The following TP63 variants were observed in gnomAD, a reference collection of about 807,000 sequenced individuals.
TP63 encodes the protein tumor protein 63.
Under a neutral mutation model 82.8 loss-of-function variants are expected in TP63, and 17 were observed. The observed-to-expected ratio is 0.21, with a 90% CI of 0.14 to 0.31. TP63 has a LOEUF of 0.31. TP63 is among the 10% of genes least tolerant of loss of function. The pLI, the probability that TP63 is intolerant of heterozygous loss-of-function variation, is 1.00. For synonymous variants in TP63, 330 were observed against 321.7 expected, an observed-to-expected ratio of 1.03 and a Z score of -0.28; for missense variants, 648 against 895.3, an observed-to-expected ratio of 0.72 and a Z score of 3.52.
intron 1 of TP63, among the ~76,000 whole-genome samples, chr3:189,635,435 TC>T (rs1267559968): frequency 2.0e-5 from 3 of 152,206 alleles, no homozygotes; most frequent in African/African-American, 7.2e-5. Context: ...TCTTTTTCTT[TC>T]TCATTCTTTG....
At chr3:189,784,361 A>G (rs951702074) in intron 3 of TP63, among the ~76,000 whole-genome samples, 6 of 152,104 alleles carry the variant, frequency 3.9e-5, no homozygotes, top group Non-Finnish European at 8.8e-5. Context: ...GAGTAGGGGG[A>G]AAAGTAAATA....
chr3:189,684,295 A>G (rs1160241012), intron 1 of TP63, among the ~76,000 whole-genome samples: 2 of 152,174 alleles, frequency 1.3e-5, no homozygotes, highest in Non-Finnish European at 2.9e-5. Context: ...CTAACATCCT[A>G]TAGGGAAGAG....
At chr3:189,678,604 T>G (rs1438372168) in intron 1 of TP63, among the ~76,000 whole-genome samples, 1 of 152,128 alleles carries the variant, frequency 6.6e-6, no homozygotes, top group East Asian at 1.9e-4. Context: ...GGGTTTGTTT[T>G]TTCTAATTCT....
chr3:189,872,264 A>AT (rs11393669), intron 9 of TP63, among the ~76,000 whole-genome samples: 130,347 of 152,082 alleles, frequency 0.86, 56,292 homozygotes, highest in East Asian at 0.97. Context: ...CATACATTTC[A>AT]CAACAGAATA....
intron 3 of TP63, among the ~76,000 whole-genome samples, chr3:189,743,222 A>C (rs1721130083): frequency 6.6e-6 from 1 of 152,204 alleles, no homozygotes; most frequent in Non-Finnish European, 1.5e-5. Context: ...AAAGTGTTCA[A>C]ATTCTCCACT....
intron 1 of TP63, among the ~76,000 whole-genome samples, chr3:189,656,742 G>A (rs1713405392): frequency 6.6e-6 from 1 of 152,086 alleles, no homozygotes; most frequent in Admixed American, 6.5e-5. Flanking sequence ...TCCAAAGCCT[G>A]AGGACCACAT....
chr3:189,879,914 A>G, intron 10 of TP63: 2 of 1,121,378 alleles, frequency 1.8e-6, no homozygotes, highest in Non-Finnish European at 2.3e-6. Flanking sequence ...AAAGAAGATA[A>G]ATTGGAAGAA....
the TP63 span, among the ~76,000 whole-genome samples, chr3:189,621,669 T>C: frequency 6.6e-6 from 1 of 152,142 alleles, no homozygotes; most frequent in Non-Finnish European, 1.5e-5. Context: ...CTTCTCATAT[T>C]TCCCTCTCTA....
At chr3:189,727,389 T>G (rs1250587717) in intron 1 of TP63, among the ~76,000 whole-genome samples, 1 of 152,196 alleles carries the variant, frequency 6.6e-6, no homozygotes, top group Non-Finnish European at 1.5e-5. Context: ...CTTTCCTCAA[T>G]TTTTAAATCA....
intron 3 of TP63, among the ~76,000 whole-genome samples, chr3:189,790,338 A>G (rs968542305): frequency 3.9e-5 from 6 of 152,152 alleles, no homozygotes; most frequent in African/African-American, 1.4e-4. Flanking sequence ...AAGTCTGTCA[A>G]TCCAGAGACC....
the TP63 span, among the ~76,000 whole-genome samples, chr3:189,598,020 A>T: frequency 6.6e-6 from 1 of 152,186 alleles, no homozygotes; most frequent in Non-Finnish European, 1.5e-5. Context: ...AAAAAGTCAG[A>T]TGGAAGTTAT....
intron 4 of TP63, among the ~76,000 whole-genome samples, chr3:189,817,518 G>A (rs1023060616): frequency 1.3e-5 from 2 of 152,146 alleles, no homozygotes; most frequent in African/African-American, 4.8e-5. Context: ...AGTTTATAAA[G>A]TGCTTTGGGA....
At chr3:189,878,524 G>C (rs1719508186) in intron 10 of TP63, among the ~76,000 whole-genome samples, 1 of 149,714 alleles carries the variant, frequency 6.7e-6, no homozygotes, top group South Asian at 2.1e-4. Context: ...GCGTAGCTGG[G>C]ATTACAGATG....
intron 1 of TP63, among the ~76,000 whole-genome samples, chr3:189,687,510 A>G (rs1577241803): frequency 6.6e-6 from 1 of 152,310 alleles, no homozygotes; most frequent in African/African-American, 2.4e-5. Context: ...GTAAAAGGGG[A>G]ACCTAGTTTG....
At chr3:189,863,282 G>A (rs1006096929) in intron 4 of TP63, among the ~76,000 whole-genome samples, 6 of 152,212 alleles carry the variant, frequency 3.9e-5, no homozygotes, top group African/African-American at 1.4e-4. Flanking sequence ...TGAGTGGCTA[G>A]GAATGTAGAG....
At chr3:189,759,658 T>C (rs1722425684) in intron 3 of TP63, among the ~76,000 whole-genome samples, 1 of 152,222 alleles carries the variant, frequency 6.6e-6, no homozygotes, top group African/African-American at 2.4e-5. Flanking sequence ...AATTGGCAAC[T>C]GTTTATTTTA....
intron 2 of TP63, 63 bp from the exon 3 acceptor site, chr3:189,738,579 C>T (rs1560147368): frequency 2.5e-6 from 4 of 1,611,550 alleles, no homozygotes; most frequent in Middle Eastern, 1.7e-4. Flanking sequence ...TTGTTAACAA[C>T]AGCATGAGTA....
intron 3 of TP63, among the ~76,000 whole-genome samples, chr3:189,793,127 TGTTTTACA>T (rs1725329994): frequency 6.6e-6 from 1 of 152,048 alleles, no homozygotes. Context: ...TTGCACTACT[TGTTTTACA>T]GTTGGTTGTC....
At chr3:189,697,854 A>G (rs1346527638) in intron 1 of TP63, among the ~76,000 whole-genome samples, 1 of 151,432 alleles carries the variant, frequency 6.6e-6, no homozygotes, top group Non-Finnish European at 1.5e-5. Flanking sequence ...TTGCTGACAC[A>G]TAGGAAAGCA....
Sources: allele counts gnomAD v4.1 joint callset (sites outside exome capture counted in the v4.1 genomes callset), GRCh38; gene constraint gnomAD v4.1.1; transcripts MANE v1.5; gene names NCBI Gene and HGNC (gene_info 2026-07-23, HGNC 2026-07-21).